The following IL22RA2 variants were observed in gnomAD, a reference collection of about 807,000 sequenced individuals.
The protein encoded by IL22RA2 is interleukin-22 receptor subunit alpha-2.
In IL22RA2, 39 loss-of-function variants were observed where a neutral mutation model predicts 30.7. That is an observed-to-expected ratio of 1.27 (90% CI 0.98 to 1.66). The LOEUF is 1.66. Among genes scored for constraint, IL22RA2 ranks in the 40% most tolerant of loss-of-function variants. The pLI is 0.00. For synonymous variants in IL22RA2, 103 were observed against 105.0 expected, an observed-to-expected ratio of 0.98 and a Z score of 0.11; for missense variants, 315 against 312.7, an observed-to-expected ratio of 1.01 and a Z score of -0.05.
At chr6:137,146,821 T>G (rs1308668696) in intron 6 of IL22RA2, among the ~76,000 whole-genome samples, 1 of 151,850 alleles carries the variant, frequency 6.6e-6, no homozygotes, top group South Asian at 2.1e-4. Flanking sequence ...GGCCAGAGCC[T>G]GTCCCTACTA....
At chr6:137,164,541 C>A (rs915515651) in intron 1 of IL22RA2, among the ~76,000 whole-genome samples, 1 of 152,234 alleles carries the variant, frequency 6.6e-6, no homozygotes, top group African/African-American at 2.4e-5. Context: ...GTTAGAAATT[C>A]CACCCCACTA....
rs546242327 is a variant in IL22RA2, at chr6:137,173,437, T to C, written c.-90A>G. 1.3e-5 allele frequency: 2 copies of C among 152,252 alleles called. No homozygotes were observed. Among genetic ancestry groups the C allele is most frequent in the Admixed American group, 1.3e-4 (2 of 15,284 alleles). The allele number at this position is 152,252 out of a possible 1,614,324, so 9.4% of individuals were successfully genotyped here. On this transcript the variant is annotated 5_prime_UTR_variant, in exon 1 of 7. Transcript: ENST00000296980. ...CCAGATGCTGTCTTCCTTTTGGTAA[T>C]TTTAATGCCATTTTAGTGTCAATAA...
chr6:137,154,769 C>G (rs563804046), intron 5 of IL22RA2, among the ~76,000 whole-genome samples, 172 bp downstream of exon 5: 1 of 152,216 alleles, frequency 6.6e-6, no homozygotes, highest in South Asian at 2.1e-4. Flanking sequence ...ATGTTCTGGA[C>G]TAGAAAATTA....
intron 5 of IL22RA2, among the ~76,000 whole-genome samples, chr6:137,153,623 C>A (rs76382823): frequency 1.3e-5 from 2 of 152,112 alleles, no homozygotes; most frequent in African/African-American, 4.8e-5. Context: ...CCATTTGGAG[C>A]GCCTCATGCC....
intron 5 of IL22RA2, among the ~76,000 whole-genome samples, chr6:137,152,827 G>T (rs999683577): frequency 2.6e-5 from 4 of 152,136 alleles, no homozygotes; most frequent in African/African-American, 9.7e-5. Context: ...CATGATGGAG[G>T]CTATATATAG....
intron 1 of IL22RA2, among the ~76,000 whole-genome samples, chr6:137,173,007 G>C (rs776985511): frequency 1.3e-5 from 2 of 152,048 alleles, no homozygotes; most frequent in Non-Finnish European, 2.9e-5. Flanking sequence ...TTGGGTGTCA[G>C]GTTTATTATA....
intron 5 of IL22RA2, among the ~76,000 whole-genome samples, chr6:137,154,444 G>A (rs940894552): frequency 5.9e-5 from 9 of 152,070 alleles, no homozygotes; most frequent in Admixed American, 1.3e-4. Flanking sequence ...ATGAAACCCC[G>A]TCTCTACTAA....
rs1308166059 is a variant in IL22RA2 at position 137,144,798 on chromosome 6, G to T, written c.*826C>A. On this transcript the variant is annotated 3_prime_UTR_variant, in exon 7 of 7. Transcript: ENST00000296980. ...TTGGCCAGAAGGATTGAGTAATGAG[G>T]TTTCCTTTCTTCTTTGTCACTAAAA... 1 of 151,998 alleles carries T rather than the reference G, an allele frequency of 6.6e-6. No individual in the cohort carries two copies. Among genetic ancestry groups the T allele is most frequent in the Non-Finnish European group, 1.5e-5 (1 of 68,006 alleles). 9.4% of individuals were successfully genotyped at this position (151,998 alleles called of 1,614,324 possible).
chr6:137,156,844 A>C lies in IL22RA2; in HGVS notation c.208T>G (p.Cys70Gly). The stretch of plus-strand genomic sequence containing the variant: ...TTCTGGTGAGAGCTTTTCATGCTGC[A>C]TGAGAACATGCTAGAGAAGGTCAAT... ...YFVQYKIMFSCSMKSSHQKPS... is the reference protein window; with the variant it reads ...YFVQYKIMFSGSMKSSHQKPS... Residue 70 changes from cysteine to glycine, a missense_variant, in exon 4 of 7, where the codon TGC (cysteine) becomes GGC (glycine). By Grantham distance (159) the Cys-to-Gly change is radical (BLOSUM62 -3). Transcript: ENST00000296980. 6.2e-7 allele frequency: 1 copy of C among 1,613,572 alleles called. No homozygotes were observed. Among genetic ancestry groups the C allele is most frequent in the Non-Finnish European group, 8.5e-7 (1 of 1,179,530 alleles).
chr6:137,153,378 G>C (rs932175947), intron 5 of IL22RA2, among the ~76,000 whole-genome samples: 1 of 152,098 alleles, frequency 6.6e-6, no homozygotes, highest in Admixed American at 6.5e-5. Flanking sequence ...ATTGGTAAAT[G>C]CTCCAATTGG....
At chr6:137,164,124 T>C (rs1456144543) in intron 1 of IL22RA2, among the ~76,000 whole-genome samples, 3 of 152,160 alleles carry the variant, frequency 2.0e-5, no homozygotes, top group Non-Finnish European at 4.4e-5. Context: ...CAAAGCCTAT[T>C]CCACTGGAGT....
intron 6 of IL22RA2, among the ~76,000 whole-genome samples, chr6:137,146,752 G>A (rs1778188278): frequency 6.6e-6 from 1 of 152,156 alleles, no homozygotes; most frequent in South Asian, 2.1e-4. Flanking sequence ...CAGCAGTTTG[G>A]GAGGCCAAGG....
chr6:137,155,121 T>C lies in IL22RA2; in HGVS notation c.294-2A>G. Reference sequence around the variant, plus strand: ...TTTTTCCATTGTCTCTGTCCATATCTGTAGCAGGGAAAAGGCAAAGATCTG... The same window carrying C: ...TTTTTCCATTGTCTCTGTCCATATCCGTAGCAGGGAAAAGGCAAAGATCTG... On this transcript the variant is annotated splice_acceptor_variant, in intron 4 of 6. Coordinates refer to ENST00000296980, the MANE Select transcript of IL22RA2 (RefSeq NM_052962.3). LOFTEE classifies it high-confidence loss of function. 6.5e-7 allele frequency: 1 copy of C among 1,529,618 alleles called. No individual in the cohort carries two copies. Among genetic ancestry groups the C allele is most frequent in the Non-Finnish European group, 8.8e-7 (1 of 1,138,628 alleles). The allele number at this position is 1,529,618 out of a possible 1,614,324, so 94.8% of individuals were successfully genotyped here. A position where few individuals can be genotyped will look rare whatever the true frequency, so the allele number is the denominator to read the frequency against.
At chr6:137,148,216 C>T (rs1161125800) in intron 5 of IL22RA2, among the ~76,000 whole-genome samples, 1 of 151,980 alleles carries the variant, frequency 6.6e-6, no homozygotes, top group Non-Finnish European at 1.5e-5. Context: ...TTTTCTTAAT[C>T]TGACTTTTGT....
intron 5 of IL22RA2, among the ~76,000 whole-genome samples, chr6:137,152,095 C>T (rs1330252487): frequency 1.3e-5 from 2 of 151,996 alleles, no homozygotes; most frequent in African/African-American, 4.8e-5. Context: ...GCCTGATAGT[C>T]CTTGGTACTT....
intron 1 of IL22RA2, among the ~76,000 whole-genome samples, chr6:137,169,705 T>G (rs1380003919): frequency 6.6e-6 from 1 of 152,212 alleles, no homozygotes; most frequent in Non-Finnish European, 1.5e-5. Context: ...CAAGCAGTTC[T>G]GGAAATTATA....
chr6:137,145,911 T>C (rs888293336), intron 6 of IL22RA2, 138 bp from the exon 7 acceptor site: 4 of 890,796 alleles, frequency 4.5e-6, no homozygotes, highest in Non-Finnish European at 7.0e-6. Context: ...ACATCCTTCT[T>C]TTCTAGAGTC....
rs1778132846 is a variant in IL22RA2, at chr6:137,144,428, G to A, written c.*1196C>T. On this transcript the variant is annotated 3_prime_UTR_variant, in exon 7 of 7. Coordinates refer to ENST00000296980, the MANE Select transcript of IL22RA2 (RefSeq NM_052962.3). ...AATTTTCATGGGGAATTGTACAAAT[G>A]TTCTCTGATATGTATCTCCTCACTA... The A allele has an allele frequency of 6.6e-6, 1 of 152,206 alleles. No individual in the cohort carries two copies. Among genetic ancestry groups the A allele is most frequent in the South Asian group, 2.1e-4 (1 of 4,822 alleles). The allele number at this position is 152,206 out of a possible 1,614,324, so 9.4% of individuals were successfully genotyped here. A position where few individuals can be genotyped will look rare whatever the true frequency, so the allele number is the denominator to read the frequency against.
In IL22RA2 at chr6:137,154,960, C is replaced by T. The variant is rs367757578; in HGVS notation, c.453G>A (p.Arg151=). 7 of 1,614,128 alleles carry T rather than the reference C, an allele frequency of 4.3e-6. No individual in the cohort carries two copies. Among genetic ancestry groups the T allele is most frequent in the Non-Finnish European group, 5.9e-6 (7 of 1,179,974 alleles). The change falls in exon 5 of 7, where the codon CGG becomes CGA. Residue 151 remains arginine (R), a synonymous_variant. Coordinates refer to ENST00000296980, the MANE Select transcript of IL22RA2 (RefSeq NM_052962.3). ...GSYSEWSMTP[R]FTPWWETKID... Reference sequence around the variant, plus strand: ...ACTCACTTTCCCACCAGGGAGTGAACCGCGGCGTCATGCTCCATTCTGAGT... The same window carrying T: ...ACTCACTTTCCCACCAGGGAGTGAATCGCGGCGTCATGCTCCATTCTGAGT...
Sources: allele counts gnomAD v4.1 joint callset (sites outside exome capture counted in the v4.1 genomes callset), GRCh38; gene constraint gnomAD v4.1.1; transcripts MANE v1.5; gene names NCBI Gene and HGNC (gene_info 2026-07-23, HGNC 2026-07-21).